DAB2: variants seen among roughly 807,000 people sequenced by gnomAD.
DAB2 encodes the protein DAB adaptor protein 2.
DAB2 carries 28 observed loss-of-function variants against 71.6 expected under a neutral mutation model. The ratio of observed to expected loss-of-function variants is 0.39; its 90% CI spans 0.29 to 0.54. DAB2 has a LOEUF of 0.54. DAB2 is among the 20% of genes least tolerant of loss of function. DAB2 has a pLI of 0.68. For missense variants in DAB2, 867 were observed against 928.8 expected, an observed-to-expected ratio of 0.93 and a Z score of 0.86; for synonymous variants, 345 against 339.7, an observed-to-expected ratio of 1.02 and a Z score of -0.17.
rs1349744879 is a variant in DAB2 at position 39,394,433 on chromosome 5, G to GTT, written c.-101-14_-101-13dup. On this transcript the variant is annotated splice_polypyrimidine_tract_variant and intron_variant, in intron 1 of 14. Transcript: ENST00000320816. ...CCTCCCACAGACACCTGTAGGCAGAGTTTAGAGGCATATTGAGATCAGAAC... is the reference window on the plus strand; with the variant it reads ...CCTCCCACAGACACCTGTAGGCAGAGTTTTTAGAGGCATATTGAGATCAGAAC... 5 of 784,178 alleles carry GTT rather than the reference G, an allele frequency of 6.4e-6. No individual in the cohort carries two copies. Among genetic ancestry groups the GTT allele is most frequent in the Non-Finnish European group, 1.1e-5 (5 of 445,686 alleles). The allele number at this position is 784,178 out of a possible 1,614,324, so 48.6% of individuals were successfully genotyped here. A position where few individuals can be genotyped will look rare whatever the true frequency, so the allele number is the denominator to read the frequency against.
In DAB2 at chr5:39,375,142, G is replaced by A. The variant is rs553566050; in HGVS notation, c.2248-58C>T. 7.6e-5 allele frequency: 99 copies of A among 1,302,586 alleles called. 1 individual carries two copies. Among genetic ancestry groups the A allele is most frequent in the Non-Finnish European group, 1.0e-4 (96 of 915,148 alleles). The allele number at this position is 1,302,586 out of a possible 1,614,324, so 80.7% of individuals were successfully genotyped here. A position where few individuals can be genotyped will look rare whatever the true frequency, so the allele number is the denominator to read the frequency against. ...CAGTTACAGTCATAAGAAAAAAATC[G>A]CAATGAAGACTTCCAAAATTCTTTT... On this transcript the variant is annotated intron_variant, in intron 13 of 14. Transcript: ENST00000320816.
rs921672060 is a variant in DAB2, at chr5:39,381,626, C to A, written c.1342-10G>T. ...AGTCATTGGCTGAAGACTGACAGGA[C>A]AGGGAGGGAGGGAGAAGCCTTAGTT... On this transcript the variant is annotated splice_polypyrimidine_tract_variant and intron_variant, in intron 10 of 14. Coordinates refer to ENST00000320816, the MANE Select transcript of DAB2 (RefSeq NM_001343.4). 6.2e-7 allele frequency: 1 copy of A among 1,613,486 alleles called. No homozygotes were observed. The highest frequency in any genetic ancestry group is 1.3e-5 in the African/African-American group (1 of 74,884).
chr5:39,404,315 G>A (rs1474070746), intron 1 of DAB2, among the ~76,000 whole-genome samples: 11 of 148,628 alleles, frequency 7.4e-5, no homozygotes, highest in African/African-American at 1.2e-4. Context: ...TGATGGGTGC[G>A]GCACACCAAC....
At chr5:39,388,917 C>G in intron 7 of DAB2, 65 bp from the exon 8 acceptor site, 1 of 1,414,944 alleles carries the variant, frequency 7.1e-7, no homozygotes, top group Non-Finnish European at 1.0e-6. Context: ...TTTGTCCACT[C>G]TATTAGTCTG....
intron 1 of DAB2, among the ~76,000 whole-genome samples, chr5:39,409,477 T>C (rs1286368299): frequency 6.6e-6 from 1 of 152,204 alleles, no homozygotes; most frequent in African/African-American, 2.4e-5. Context: ...AAGGTTCACT[T>C]ATTAATACAA....
At chr5:39,394,202 C>T in intron 2 of DAB2, 28 bp downstream of exon 2, 2 of 1,580,132 alleles carry the variant, frequency 1.3e-6, no homozygotes, top group South Asian at 1.1e-5. Context: ...TAGCTCCCTT[C>T]CTTGGCTTCA....
In DAB2 at chr5:39,376,658, T is replaced by C. The variant is rs148700350; in HGVS notation, c.2129A>G (p.Lys710Arg). 22 of 1,613,812 alleles carry C rather than the reference T, an allele frequency of 1.4e-5. No homozygotes were observed. In the African/African-American group the frequency reaches 1.9e-4, roughly 14 times the overall value. The change falls in exon 12 of 15, where the codon AAG becomes AGG. Residue 710 changes from lysine to arginine, a missense_variant. Physicochemically the swap from Lys to Arg is conservative, Grantham distance 26. Coordinates refer to ENST00000320816, the MANE Select transcript of DAB2 (RefSeq NM_001343.4). ...DDFDANQLLN[K>R]INEPPKPAPR... Reference sequence around the variant, plus strand: ...AGTGGTGAGTGGCTTACCATTGATCTTGTTCAATAGTTGATTAGCATCAAA... The same window carrying C: ...AGTGGTGAGTGGCTTACCATTGATCCTGTTCAATAGTTGATTAGCATCAAA...
intron 13 of DAB2, 48 bp downstream of exon 13, chr5:39,375,949 C>G: frequency 1.5e-6 from 2 of 1,363,126 alleles, no homozygotes; most frequent in Non-Finnish European, 2.1e-6. Context: ...GGCTGGAGCT[C>G]TATGTGGCAT....
At chr5:39,379,443 CAAAAAAAAAAAAA>C (rs33949918) in intron 11 of DAB2, among the ~76,000 whole-genome samples, 1 of 72,528 alleles carries the variant, frequency 1.4e-5, no homozygotes, top group African/African-American at 6.1e-5. Context: ...GACTCTGTCT[CAAAAAAAAAAAAA>C]AAAAAAAAGG....
chr5:39,392,446 A>T lies in DAB2; in HGVS notation c.249T>A (p.Gly83=), dbSNP rs1216771126. 1 of 1,613,940 alleles carries T rather than the reference A, an allele frequency of 6.2e-7. No homozygotes were observed. The highest frequency in any genetic ancestry group is 1.7e-5 in the Admixed American group (1 of 59,996). ...TTTGTTTGTGTTGTCCCTGAGACCG[A>T]CCAGCTGCCGCCATTCCCTGATGAG... is the stretch of plus-strand genomic sequence containing the variant. The part of the protein sequence containing the change: ...MMKLKGMAAA[G]RSQGQHKQRI... Residue 83 remains glycine, a synonymous_variant, in exon 4 of 15, where the codon GGT becomes GGA. Coordinates refer to ENST00000320816, the MANE Select transcript of DAB2 (RefSeq NM_001343.4).
Position 39,383,090 on chromosome 5 carries a change from G to C in DAB2, c.869C>G (p.Pro290Arg). ...FSANLNFFPTPNPDPFRDDPF... is the reference protein window; with the variant it reads ...FSANLNFFPTRNPDPFRDDPF... Reference sequence around the variant, plus strand: ...ATCGTCACGGAAAGGATCAGGATTAGGGGTGGGAAAGAAGTTGAGATTGGC... The same window carrying C: ...ATCGTCACGGAAAGGATCAGGATTACGGGTGGGAAAGAAGTTGAGATTGGC... Residue 290 changes from proline to arginine, a missense_variant, in exon 10 of 15, where the codon CCT becomes CGT. This residue lies in a region of DAB2 where 740 missense variants were observed against 734.3 expected (regional missense o/e 1.01). Coordinates refer to ENST00000320816, the MANE Select transcript of DAB2 (RefSeq NM_001343.4). 3.7e-6 allele frequency: 6 copies of C among 1,614,168 alleles called. No individual in the cohort carries two copies. The highest frequency in any genetic ancestry group is 5.1e-6 in the Non-Finnish European group (6 of 1,180,016).
At position 39,381,497 on chromosome 5, in the gene DAB2, G is replaced by C; in HGVS notation, c.1461C>G (p.Phe487Leu). 1 of 1,614,104 alleles carries C rather than the reference G, an allele frequency of 6.2e-7. No homozygotes were observed. The highest frequency in any genetic ancestry group is 8.5e-7 in the Non-Finnish European group (1 of 1,179,984). The change falls in exon 11 of 15, where the codon TTC (phenylalanine) becomes TTG (leucine). Residue 487 changes from phenylalanine (F) to leucine (L), a missense_variant. Phe to Leu is a conservative substitution (Grantham distance 22, BLOSUM62 0). This residue lies in a region of DAB2 where 740 missense variants were observed against 734.3 expected (regional missense o/e 1.01). Transcript: ENST00000320816. ...TALQPNPLDL[F>L]KTSAPAPVGP... The stretch of plus-strand genomic sequence containing the variant: ...CCACTGGGGCAGGAGCACTTGTTTT[G>C]AAGAGATCCAGAGGGTTGGGCTGCA...
chr5:39,408,893 A>T (rs1196783057), intron 1 of DAB2: 1 of 152,168 alleles, frequency 6.6e-6, no homozygotes, highest in African/African-American at 2.4e-5. Context: ...TTCTTCTACG[A>T]GTAAGAATAT....
intron 3 of DAB2, 125 bp from the exon 4 acceptor site, chr5:39,392,588 C>T (rs1755260378): frequency 4.4e-6 from 3 of 679,666 alleles, no homozygotes; most frequent in East Asian, 2.7e-5. Context: ...TGAGAGGATT[C>T]GGCACTTTTC....
intron 3 of DAB2, 90 bp downstream of exon 3, chr5:39,393,164 T>C (rs969057270): frequency 8.1e-6 from 11 of 1,358,480 alleles, no homozygotes; most frequent in Admixed American, 3.9e-5. Flanking sequence ...TTTCAAGTAA[T>C]TGAACAATAG....
intron 12 of DAB2, 93 bp downstream of exon 12, chr5:39,376,557 G>T: frequency 2.1e-6 from 3 of 1,417,836 alleles, no homozygotes; most frequent in Non-Finnish European, 2.9e-6. Context: ...AGCTGTTGGC[G>T]GGTGGGAGAG....
At chr5:39,394,745 G>C (rs996542460) in intron 1 of DAB2, among the ~76,000 whole-genome samples, 8 of 126,660 alleles carry the variant, frequency 6.3e-5, no homozygotes, top group African/African-American at 2.2e-4. Context: ...TCGAAAACTT[G>C]CTAGGCATTA....
intron 1 of DAB2, among the ~76,000 whole-genome samples, chr5:39,410,746 T>A (rs1417518255): frequency 6.6e-6 from 1 of 152,094 alleles, no homozygotes; most frequent in African/African-American, 2.4e-5. Context: ...CTTTACTCCT[T>A]CCATGTTAAA....
intron 1 of DAB2, among the ~76,000 whole-genome samples, chr5:39,410,845 A>T (rs1755710820): frequency 1.3e-5 from 2 of 151,898 alleles, no homozygotes; most frequent in African/African-American, 4.8e-5. Context: ...TCTAGTTTGC[A>T]GAGTATTGGC....
Sources: allele counts gnomAD v4.1 joint callset (sites outside exome capture counted in the v4.1 genomes callset), GRCh38; gene constraint gnomAD v4.1.1; regional missense constraint gnomAD v4.1.1; transcripts MANE v1.5; gene names NCBI Gene and HGNC (gene_info 2026-07-23, HGNC 2026-07-21).